The following HIBCH variants were observed in gnomAD, a reference collection of about 807,000 sequenced individuals.
HIBCH encodes the protein 3-hydroxyisobutyryl-CoA hydrolase, mitochondrial.
Under a neutral mutation model 58.2 loss-of-function variants are expected in HIBCH, and 50 were observed. The observed-to-expected ratio is 0.86, with a 90% CI of 0.68 to 1.09. The LOEUF (loss-of-function observed/expected upper bound fraction) is 1.09. HIBCH is among the 50% of genes least tolerant of loss of function. HIBCH has a pLI of 0.00. For missense variants in HIBCH, 450 were observed against 449.7 expected, an observed-to-expected ratio of 1.00 and a Z score of -0.01; for synonymous variants, 151 against 146.9, an observed-to-expected ratio of 1.03 and a Z score of -0.20.
intron 1 of HIBCH, among the ~76,000 whole-genome samples, chr2:190,194,477 TACACACACACACACACACAC>T (rs3083429): frequency 1.1e-3 from 161 of 141,476 alleles, no homozygotes; most frequent in Middle Eastern, 7.2e-3. Flanking sequence ...ATCCTGTGTA[TACACACACACACACACACAC>T]ACACACACAC....
rs758293682 is a variant in HIBCH, at chr2:190,212,989, T to C, written c.978A>G (p.Leu326=). 6.2e-7 allele frequency: 1 copy of C among 1,612,094 alleles called. No homozygotes were observed. The highest frequency in any genetic ancestry group is 8.5e-7 in the Non-Finnish European group (1 of 1,178,698). ...EGSSKTLQEV[L]TMEYRLSQAC... ...CTTGACTTAGCCGATACTCCATAGT[T>C]AGTACTTCTTGCAAGGTCTTTGAAG... Residue 326 remains leucine (L), a synonymous_variant, in exon 12 of 14, where the codon CTA becomes CTG. Transcript: ENST00000359678.
chr2:190,276,328 T>C (rs1322897856), intron 6 of HIBCH, among the ~76,000 whole-genome samples: 3 of 152,160 alleles, frequency 2.0e-5, no homozygotes, highest in Non-Finnish European at 4.4e-5. Flanking sequence ...TTTTGAGAGT[T>C]TCAATGGGAA....
chr2:190,244,804 G>A (rs761843520), intron 11 of HIBCH, 83 bp downstream of exon 11: 45 of 870,190 alleles, frequency 5.2e-5, no homozygotes, highest in Non-Finnish European at 8.4e-5. Context: ...ACCACCAATG[G>A]AGCACTAATA....
Position 190,290,386 on chromosome 2 carries a change from C to A in HIBCH, c.385+19G>T, listed in dbSNP as rs760692147. The A allele has an allele frequency of 1.3e-6, 2 of 1,514,742 alleles. No homozygotes were observed. Among genetic ancestry groups the A allele is most frequent in the Non-Finnish European group, 1.8e-6 (2 of 1,089,836 alleles). 93.8% of individuals were successfully genotyped at this position (1,514,742 alleles called of 1,614,324 possible). A position where few individuals can be genotyped will look rare whatever the true frequency, so the allele number is the denominator to read the frequency against. ...ATTTCTTTATTCCATTTCCAAAGCT[C>A]TGAGCAGAATACACATACCAACAGC... On this transcript the variant is annotated intron_variant, in intron 5 of 13. Coordinates refer to ENST00000359678, the MANE Select transcript of HIBCH (RefSeq NM_014362.4).
chr2:190,204,602 A>G lies in HIBCH; in HGVS notation c.*515T>C, dbSNP rs1026733739. On this transcript the variant is annotated 3_prime_UTR_variant, in exon 14 of 14. Coordinates refer to ENST00000359678, the MANE Select transcript of HIBCH (RefSeq NM_014362.4). Reference sequence around the variant, plus strand: ...CTATGAGGCATTAACACAGTATCCAAAACAAAAATTCTATGAGGCATTAAC... The same window carrying G: ...CTATGAGGCATTAACACAGTATCCAGAACAAAAATTCTATGAGGCATTAAC... 1 of 157,580 alleles carries G rather than the reference A, an allele frequency of 6.3e-6. No homozygotes were observed. The highest frequency in any genetic ancestry group is 2.4e-5 in the African/African-American group (1 of 41,486). The allele number at this position is 157,580 out of a possible 1,614,324, so 9.8% of individuals were successfully genotyped here. A position where few individuals can be genotyped will look rare whatever the true frequency, so the allele number is the denominator to read the frequency against.
intron 11 of HIBCH, among the ~76,000 whole-genome samples, chr2:190,241,973 G>T (rs192174946): frequency 6.6e-6 from 1 of 152,036 alleles, no homozygotes; most frequent in South Asian, 2.1e-4. Context: ...GCATCTTCGC[G>T]GCGTTCTCTG....
At chr2:190,313,790 G>C (rs1688620297) in intron 1 of HIBCH, among the ~76,000 whole-genome samples, 1 of 151,928 alleles carries the variant, frequency 6.6e-6, no homozygotes, top group Non-Finnish European at 1.5e-5. Flanking sequence ...TGATTTCAAA[G>C]AACGAAGCTG....
chr2:190,263,676 C>T (rs1687155139), intron 6 of HIBCH, among the ~76,000 whole-genome samples: 1 of 152,202 alleles, frequency 6.6e-6, no homozygotes, highest in Non-Finnish European at 1.5e-5. Flanking sequence ...AACCTTCACA[C>T]ATCAAAAGTA....
intron 8 of HIBCH, chr2:190,251,642 A>G: frequency 6.1e-6 from 2 of 325,582 alleles, no homozygotes; most frequent in Non-Finnish European, 1.3e-5. Flanking sequence ...CTTTTCCACT[A>G]TGTTATCCTG....
intron 2 of HIBCH, among the ~76,000 whole-genome samples, chr2:190,298,151 A>G (rs1346887116): frequency 6.6e-6 from 1 of 152,114 alleles, no homozygotes; most frequent in Non-Finnish European, 1.5e-5. Context: ...TATCCAGTCT[A>G]TTATTGATGG....
Position 190,319,696 on chromosome 2 carries a change from C to A in HIBCH, c.35+20G>T, listed in dbSNP as rs2124886982. Reference sequence around the variant, plus strand: ...GTGCCGCTGAAGAGCCTGCCCTTGGCCCCTCGCTCTCTCACTCACCTCGAC... The same window carrying A: ...GTGCCGCTGAAGAGCCTGCCCTTGGACCCTCGCTCTCTCACTCACCTCGAC... On this transcript the variant is annotated intron_variant, in intron 1 of 13. Transcript: ENST00000359678. The A allele has an allele frequency of 6.3e-7, 1 of 1,597,606 alleles. No individual in the cohort carries two copies. The highest frequency in any genetic ancestry group is 8.6e-7 in the Non-Finnish European group (1 of 1,165,688).
At position 190,204,340 on chromosome 2, in the gene HIBCH, T is replaced by A. The variant is rs977520671; in HGVS notation, c.*777A>T. ...CTCTATCTAAGAGATTGGAGTTTCCTAATTTCTCATTCTACCAGATTAACA... is the reference window on the plus strand; with the variant it reads ...CTCTATCTAAGAGATTGGAGTTTCCAAATTTCTCATTCTACCAGATTAACA... On this transcript the variant is annotated 3_prime_UTR_variant, in exon 14 of 14. Transcript: ENST00000359678. The A allele has an allele frequency of 6.6e-6, 1 of 152,158 alleles. No individual in the cohort carries two copies. The highest frequency in any genetic ancestry group is 1.5e-5 in the Non-Finnish European group (1 of 67,970). 9.4% of individuals were successfully genotyped at this position (152,158 alleles called of 1,614,324 possible).
intron 1 of HIBCH, among the ~76,000 whole-genome samples, chr2:190,311,383 A>G (rs1396213163): frequency 6.6e-6 from 1 of 152,146 alleles, no homozygotes; most frequent in Non-Finnish European, 1.5e-5. Flanking sequence ...TATTTGTCAA[A>G]CTTTTCTGCT....
At chr2:190,252,797 T>C (rs1013592425) in intron 7 of HIBCH, among the ~76,000 whole-genome samples, 7 of 152,214 alleles carry the variant, frequency 4.6e-5, no homozygotes, top group Admixed American at 2.6e-4. Context: ...TAATCACAAG[T>C]CCTACTAAAT....
intron 4 of HIBCH, among the ~76,000 whole-genome samples, chr2:190,293,813 A>C (rs1403546766): frequency 6.6e-6 from 1 of 151,740 alleles, no homozygotes; most frequent in South Asian, 2.1e-4. Context: ...CTGTACATAT[A>C]ATATGGACAA....
intron 6 of HIBCH, among the ~76,000 whole-genome samples, chr2:190,286,706 A>C (rs1016861549): frequency 6.6e-6 from 1 of 152,210 alleles, no homozygotes; most frequent in Non-Finnish European, 1.5e-5. Flanking sequence ...TGCCAGTTAC[A>C]TTTTAGACTT....
chr2:190,261,675 C>CAAT (rs1687091069), intron 6 of HIBCH, among the ~76,000 whole-genome samples: 1 of 152,112 alleles, frequency 6.6e-6, no homozygotes, highest in African/African-American at 2.4e-5. Context: ...GGCTCTATAT[C>CAAT]ACCTGGCCTA....
chr2:190,268,673 G>A (rs954202564), intron 6 of HIBCH, among the ~76,000 whole-genome samples: 1 of 152,098 alleles, frequency 6.6e-6, no homozygotes, highest in Non-Finnish European at 1.5e-5. Context: ...ATATAAATAC[G>A]TTAATCTGCA....
chr2:190,246,586 G>C lies in HIBCH; in HGVS notation c.751-374C>G, dbSNP rs184366407. The stretch of plus-strand genomic sequence containing the variant: ...TTCACACCATATACCTGGTATGCCT[G>C]CAGCTGTGACCTTCAGGGAGAGAAA... On this transcript the variant is annotated intron_variant, in intron 9 of 13. Transcript: ENST00000359678. Among the ~76,000 whole-genome samples the C allele has an allele frequency of 4.0e-3, 605 of 152,332 alleles. 1 individual carries two copies. Among genetic ancestry groups the C allele is most frequent in the African/African-American group, 0.014 (568 of 41,570 alleles).
Sources: gnomAD v4.1 joint callset for allele counts (sites outside exome capture counted in the v4.1 genomes callset) on GRCh38, gnomAD v4.1.1 for gene constraint, MANE v1.5 for transcripts, NCBI Gene and HGNC (gene_info 2026-07-23, HGNC 2026-07-21) for gene names.